SASH1: variants seen among roughly 807,000 people sequenced by gnomAD.
SASH1 encodes the protein SAM and SH3 domain-containing protein 1.
In SASH1, 44 loss-of-function variants were observed where a neutral mutation model predicts 125.2. The observed-to-expected ratio is 0.35, with a 90% CI of 0.28 to 0.45. SASH1 has a LOEUF of 0.45. Among genes scored for constraint, SASH1 ranks in the 20% least tolerant of loss-of-function variants. The pLI is 1.00. For synonymous variants in SASH1, 639 were observed against 649.1 expected (o/e 0.98, Z 0.24); for missense variants, 1,426 against 1,614.5 (o/e 0.88, Z 2.00).
At chr6:148,352,987 G>A (rs1420820309) in intron 1 of SASH1, among the ~76,000 whole-genome samples, 1 of 151,962 alleles carries the variant, frequency 6.6e-6, no homozygotes, top group African/African-American at 2.4e-5. Context: ...AAAAAAGTGA[G>A]TTATTATTAA....
intron 1 of SASH1, among the ~76,000 whole-genome samples, chr6:148,358,860 C>T (rs867968285): frequency 2.7e-4 from 41 of 151,370 alleles, no homozygotes; most frequent in Non-Finnish European, 5.2e-4. Flanking sequence ...CTCAGCCTCC[C>T]GAGTAGCTGG....
intron 2 of SASH1, among the ~76,000 whole-genome samples, chr6:148,439,455 T>C (rs1295119001): frequency 2.6e-5 from 4 of 152,216 alleles, no homozygotes; most frequent in Non-Finnish European, 5.9e-5. Context: ...TCCTAAGCTA[T>C]TAAGTGCTCT....
chr6:148,315,314 C>T (rs1036096284), intron 1 of SASH1, among the ~76,000 whole-genome samples: 2 of 152,012 alleles, frequency 1.3e-5, no homozygotes, highest in Admixed American at 6.6e-5. Flanking sequence ...TAGTTCTTTG[C>T]AAACTAACTT....
chr6:148,347,697 T>C (rs1005270531), intron 1 of SASH1, among the ~76,000 whole-genome samples: 1 of 152,226 alleles, frequency 6.6e-6, no homozygotes, highest in African/African-American at 2.4e-5. Flanking sequence ...TTTTACGTCT[T>C]GGAATTTGAG....
intron 11 of SASH1, among the ~76,000 whole-genome samples, chr6:148,526,950 G>A (rs1376314097): frequency 2.0e-5 from 3 of 150,046 alleles, no homozygotes; most frequent in Non-Finnish European, 4.4e-5. Flanking sequence ...TCAGCTCACT[G>A]CAAGCTCCAC....
At chr6:148,239,243 G>A in the SASH1 span, among the ~76,000 whole-genome samples, 1 of 152,178 alleles carries the variant, frequency 6.6e-6, no homozygotes, top group Admixed American at 6.5e-5. Context: ...TAAGTAGTTT[G>A]GGGATGTGGG....
At chr6:148,466,584 CAG>C (rs1460182196) in intron 4 of SASH1, among the ~76,000 whole-genome samples, 2 of 152,156 alleles carry the variant, frequency 1.3e-5, no homozygotes, top group Non-Finnish European at 2.9e-5. Context: ...CTGAATGAGA[CAG>C]AGTCTCATTC....
chr6:148,405,375 G>A (rs190536931), intron 2 of SASH1, among the ~76,000 whole-genome samples: 13 of 152,216 alleles, frequency 8.5e-5, no homozygotes, highest in Non-Finnish European at 8.8e-5. Flanking sequence ...CTTCCTTCCC[G>A]CCTTGACTAG....
At chr6:148,539,104 T>C (rs1562497028) in intron 16 of SASH1, among the ~76,000 whole-genome samples, 2 of 152,018 alleles carry the variant, frequency 1.3e-5, no homozygotes, top group Admixed American at 1.3e-4. Flanking sequence ...TTTTTTTTTT[T>C]TTCCCCTCCA....
chr6:148,450,652 A>G (rs1777054371), intron 4 of SASH1, among the ~76,000 whole-genome samples: 1 of 149,814 alleles, frequency 6.7e-6, no homozygotes, highest in Non-Finnish European at 1.5e-5. Flanking sequence ...GGTGATGTCT[A>G]TGTACTGGGT....
chr6:148,322,258 A>G (rs1780652316), intron 1 of SASH1, among the ~76,000 whole-genome samples: 1 of 152,124 alleles, frequency 6.6e-6, no homozygotes, highest in Non-Finnish European at 1.5e-5. Flanking sequence ...GGCTGAGGGC[A>G]TGAGAATCAG....
At chr6:148,335,442 G>A (rs1223039397) in intron 1 of SASH1, among the ~76,000 whole-genome samples, 1 of 142,402 alleles carries the variant, frequency 7.0e-6, no homozygotes, top group African/African-American at 2.7e-5. Context: ...TCCAGCCTGG[G>A]CAACAGCGTG....
At position 148,495,415 on chromosome 6, in the gene SASH1, G is replaced by T. The variant is rs1779270270; in HGVS notation, c.729+7700G>T. On this transcript the variant is annotated intron_variant, in intron 8 of 19. Coordinates refer to ENST00000367467, the MANE Select transcript of SASH1 (RefSeq NM_015278.5). This position sits in a 1 kb window ranked among gnomAD's most constrained non-coding sequence, Gnocchi z 4.0. ...GTGAGCTCAACTCAAAATTTTAAAGGTTGACTATTCTTGCTGTGTTTATTT... is the reference window on the plus strand; with the variant it reads ...GTGAGCTCAACTCAAAATTTTAAAGTTTGACTATTCTTGCTGTGTTTATTT... Among the ~76,000 whole-genome samples the T allele has an allele frequency of 6.6e-6, 1 of 152,008 alleles. No individual in the cohort carries two copies.
chr6:148,544,503 C>A lies in SASH1; in HGVS notation c.3033C>A (p.Leu1011=). The part of the protein sequence containing the change: ...HPVPMGPSGA[L]PSPDAPCLPV... ...TTCCCATGGGCCCCAGTGGGGCCCT[C>A]CCCAGTCCCGATGCGCCATGCCTGC... Residue 1011 remains leucine, a synonymous_variant, in exon 18 of 20, where the codon CTC becomes CTA. Transcript: ENST00000367467. This position sits in a 1 kb window ranked among gnomAD's most constrained non-coding sequence, Gnocchi z 6.4. 6.2e-7 allele frequency: 1 copy of A among 1,613,824 alleles called. No individual in the cohort carries two copies. Among genetic ancestry groups the A allele is most frequent in the Non-Finnish European group, 8.5e-7 (1 of 1,180,034 alleles).
chr6:148,442,761 T>A (rs939739597), intron 4 of SASH1, among the ~76,000 whole-genome samples: 1 of 152,100 alleles, frequency 6.6e-6, no homozygotes, highest in African/African-American at 2.4e-5. Flanking sequence ...CTTTTTCTTT[T>A]CTTTTCTTTT....
chr6:148,495,491 T>G lies in SASH1; in HGVS notation c.729+7776T>G, dbSNP rs1365980512. On this transcript the variant is annotated intron_variant, in intron 8 of 19. Coordinates refer to ENST00000367467, the MANE Select transcript of SASH1 (RefSeq NM_015278.5). The surrounding 1 kb of genome is among the most constrained non-coding windows in gnomAD (Gnocchi z 4.0). ...ACTAGAGTAACTTTTAGACACTAGGTTAAAATTTACCAGATGTTTTATTTT... is the reference window on the plus strand; with the variant it reads ...ACTAGAGTAACTTTTAGACACTAGGGTAAAATTTACCAGATGTTTTATTTT... 2.0e-5 allele frequency among the ~76,000 whole-genome samples: 3 copies of G among 152,248 alleles called. No individual in the cohort carries two copies. The highest frequency in any genetic ancestry group is 4.4e-5 in the Non-Finnish European group (3 of 68,044).
chr6:148,406,836 C>T (rs899132006), intron 2 of SASH1, among the ~76,000 whole-genome samples: 2 of 150,880 alleles, frequency 1.3e-5, no homozygotes, highest in African/African-American at 4.9e-5. Flanking sequence ...ATCAGGCGCT[C>T]CAAGGGAGGA....
intron 1 of SASH1, among the ~76,000 whole-genome samples, chr6:148,358,372 C>T (rs185189456): frequency 1.6e-4 from 24 of 152,280 alleles, no homozygotes; most frequent in Admixed American, 1.2e-3. Context: ...GAGAAGTAAG[C>T]ACTGAATTAT....
the SASH1 span, among the ~76,000 whole-genome samples, chr6:148,234,771 G>A: frequency 6.6e-6 from 1 of 151,554 alleles, no homozygotes; most frequent in Non-Finnish European, 1.5e-5. Flanking sequence ...AGGTTGCAAT[G>A]AGCCGAGACT....
Sources: allele counts gnomAD v4.1 joint callset (sites outside exome capture counted in the v4.1 genomes callset), GRCh38; gene constraint gnomAD v4.1.1; non-coding constraint Gnocchi (gnomAD v3.1); transcripts MANE v1.5; gene names NCBI Gene and HGNC (gene_info 2026-07-23, HGNC 2026-07-21).